The following BTBD9 variants were observed in gnomAD, a reference collection of about 807,000 sequenced individuals.
BTBD9 encodes BTB domain containing 9.
In BTBD9, 49 loss-of-function variants were observed where a neutral mutation model predicts 64.3. The ratio of observed to expected loss-of-function variants is 0.76; its 90% CI spans 0.61 to 0.97. The LOEUF is 0.97. BTBD9 is among the 50% of genes least tolerant of loss of function. BTBD9 has a pLI of 0.00. For missense variants in BTBD9, 598 were observed against 762.1 expected (o/e 0.78, Z 2.53); for synonymous variants, 260 against 274.7 (o/e 0.95, Z 0.53).
At chr6:38,354,836 A>G (rs922380742) in intron 6 of BTBD9, among the ~76,000 whole-genome samples, 3 of 152,278 alleles carry the variant, frequency 2.0e-5, no homozygotes, top group African/African-American at 7.2e-5. Context: ...TAAAAATAAT[A>G]CTGCAGAAAA....
At chr6:38,317,587 T>C (rs1562016003) in intron 7 of BTBD9, among the ~76,000 whole-genome samples, 1 of 152,214 alleles carries the variant, frequency 6.6e-6, no homozygotes, top group Non-Finnish European at 1.5e-5. Context: ...ACTGACTTTT[T>C]ACCCCTATCT....
intron 7 of BTBD9, among the ~76,000 whole-genome samples, chr6:38,326,461 G>A (rs1278438500): frequency 6.6e-6 from 1 of 152,012 alleles, no homozygotes; most frequent in Non-Finnish European, 1.5e-5. Flanking sequence ...GGGGGAGCGT[G>A]GAGAACAGCA....
chr6:38,323,616 A>G (rs1383369251), intron 7 of BTBD9, among the ~76,000 whole-genome samples: 3 of 152,222 alleles, frequency 2.0e-5, no homozygotes, highest in Non-Finnish European at 4.4e-5. Flanking sequence ...ACTTCTGTTT[A>G]CAGTCGTCAA....
At chr6:38,342,354 G>T (rs1764135210) in intron 7 of BTBD9, among the ~76,000 whole-genome samples, 1 of 151,792 alleles carries the variant, frequency 6.6e-6, no homozygotes, top group Non-Finnish European at 1.5e-5. Flanking sequence ...TGACCAACAT[G>T]GCGAAACCCT....
At chr6:38,453,943 C>A (rs899402995) in intron 6 of BTBD9, among the ~76,000 whole-genome samples, 1 of 152,140 alleles carries the variant, frequency 6.6e-6, no homozygotes, top group East Asian at 1.9e-4. Context: ...TAGAGCGATA[C>A]ACACCACACC....
Position 38,544,927 on chromosome 6 carries a change from CAAAAAAAAAAAAA to C in BTBD9, c.1154+32660_1154+32672del, listed in dbSNP as rs58694810. On this transcript the variant is annotated intron_variant, in intron 6 of 10. Coordinates refer to ENST00000481247, the MANE Select transcript of BTBD9 (RefSeq NM_001099272.2). Reference sequence around the variant, plus strand: ...GGGAAACAAGAACAAAACTACATCTCAAAAAAAAAAAAAAAAAAAAAAAAAAAAAGAAGACTGA... The same window carrying C: ...GGGAAACAAGAACAAAACTACATCTCAAAAAAAAAAAAAAAAGAAGACTGA... Among the ~76,000 whole-genome samples the C allele has an allele frequency of 3.4e-3, 164 of 48,306 alleles. 3 individuals carry two copies. Among genetic ancestry groups the C allele is most frequent in the African/African-American group, 0.012 (159 of 13,306 alleles). 31.7% of individuals were successfully genotyped at this position (48,306 alleles called of 152,430 possible). A position where few individuals can be genotyped will look rare whatever the true frequency, so the allele number is the denominator to read the frequency against.
chr6:38,389,976 A>T (rs1186144915), intron 6 of BTBD9, among the ~76,000 whole-genome samples: 1 of 152,202 alleles, frequency 6.6e-6, no homozygotes, highest in Non-Finnish European at 1.5e-5. Flanking sequence ...TATTGAATAT[A>T]TTCTAGTGGT....
At chr6:38,327,466 C>T (rs1763485538) in intron 7 of BTBD9, among the ~76,000 whole-genome samples, 1 of 152,168 alleles carries the variant, frequency 6.6e-6, no homozygotes, top group Non-Finnish European at 1.5e-5. Context: ...TTTTGGTTCA[C>T]AAAGCACAGC....
At chr6:38,521,878 T>C (rs1161447128) in intron 6 of BTBD9, among the ~76,000 whole-genome samples, 2 of 152,284 alleles carry the variant, frequency 1.3e-5, no homozygotes, top group African/African-American at 4.8e-5. Context: ...TTTCACCATG[T>C]TGGCCAGCCT....
At chr6:38,464,557 A>C (rs925798867) in intron 6 of BTBD9, among the ~76,000 whole-genome samples, 1 of 152,022 alleles carries the variant, frequency 6.6e-6, no homozygotes, top group Non-Finnish European at 1.5e-5. Flanking sequence ...GTCCAGTGGC[A>C]CAATCTCGGC....
intron 4 of BTBD9, among the ~76,000 whole-genome samples, chr6:38,584,566 A>G (rs1034162718): frequency 1.1e-4 from 16 of 152,086 alleles, no homozygotes; most frequent in African/African-American, 3.9e-4. Flanking sequence ...TTATGTTCTT[A>G]ATTATCTTTT....
chr6:38,454,815 A>C (rs1323892437), intron 6 of BTBD9, among the ~76,000 whole-genome samples: 1 of 151,756 alleles, frequency 6.6e-6, no homozygotes, highest in Admixed American at 6.6e-5. Context: ...AAAAAAAAAA[A>C]ACACTAAATT....
At chr6:38,499,707 C>T (rs1772110124) in intron 6 of BTBD9, among the ~76,000 whole-genome samples, 1 of 138,882 alleles carries the variant, frequency 7.2e-6, no homozygotes, top group Admixed American at 7.3e-5. Context: ...TATTACCATG[C>T]AGAGAAAAAC....
At chr6:38,507,413 A>G (rs910015976) in intron 6 of BTBD9, among the ~76,000 whole-genome samples, 17 of 152,170 alleles carry the variant, frequency 1.1e-4, no homozygotes, top group African/African-American at 4.1e-4. Context: ...GCTACCACCT[A>G]TCTGCCTATT....
intron 7 of BTBD9, among the ~76,000 whole-genome samples, chr6:38,316,334 C>T (rs772191708): frequency 1.3e-5 from 2 of 152,140 alleles, no homozygotes; most frequent in Admixed American, 1.3e-4. Flanking sequence ...TGACTTACTC[C>T]TGCCATTTTA....
intron 6 of BTBD9, 100 bp downstream of exon 6, chr6:38,577,500 A>T: frequency 8.2e-7 from 1 of 1,226,790 alleles, no homozygotes; most frequent in Non-Finnish European, 1.1e-6. Flanking sequence ...TGACATCCTG[A>T]ATAACTCTTT....
intron 1 of BTBD9, among the ~76,000 whole-genome samples, chr6:38,630,402 T>C (rs1778323184): frequency 6.6e-6 from 1 of 152,214 alleles, no homozygotes; most frequent in African/African-American, 2.4e-5. Flanking sequence ...AACGATAGTA[T>C]TTAATGATTG....
intron 2 of BTBD9, among the ~76,000 whole-genome samples, chr6:38,596,678 G>A (rs558383074): frequency 1.6e-4 from 24 of 152,068 alleles, no homozygotes; most frequent in African/African-American, 4.8e-5. Flanking sequence ...GCAGGCGCCC[G>A]TAGTCCCAGC....
intron 6 of BTBD9, among the ~76,000 whole-genome samples, chr6:38,417,462 GC>G (rs1337515324): frequency 6.6e-6 from 1 of 152,146 alleles, no homozygotes; most frequent in Non-Finnish European, 1.5e-5. Context: ...TCACCTCTGT[GC>G]CCTAGCACTT....
Sources: allele counts gnomAD v4.1 joint callset (sites outside exome capture counted in the v4.1 genomes callset), GRCh38; gene constraint gnomAD v4.1.1; transcripts MANE v1.5; gene names NCBI Gene and HGNC (gene_info 2026-07-23, HGNC 2026-07-21).